The following GRID2 variants were observed in gnomAD, a reference collection of about 807,000 sequenced individuals.
GRID2 encodes the protein glutamate ionotropic receptor delta type subunit 2.
A neutral mutation model predicts 114.8 loss-of-function variants in GRID2; 33 were observed. The observed-to-expected ratio is 0.29, with a 90% CI of 0.22 to 0.38. The LOEUF (loss-of-function observed/expected upper bound fraction) is 0.38, where lower values mean the gene tolerates loss of function less well. GRID2 is among the 10% of genes least tolerant of loss of function. The probability of loss-of-function intolerance (pLI) is 1.00; values close to 1 mark genes in which losing one functional copy is unlikely to be tolerated. For synonymous variants in GRID2, 505 were observed against 449.9 expected (o/e 1.12, Z -1.55); for missense variants, 1,184 against 1,257.7 (o/e 0.94, Z 0.89).
At chr4:93,489,158 A>G (rs1278276032) in intron 11 of GRID2, among the ~76,000 whole-genome samples, 2 of 151,986 alleles carry the variant, frequency 1.3e-5, no homozygotes, top group African/African-American at 2.4e-5. Flanking sequence ...AATTGGCAGT[A>G]TAGGGTTGTG....
At chr4:93,470,131 A>G (rs1379737715) in intron 11 of GRID2, among the ~76,000 whole-genome samples, 1 of 152,104 alleles carries the variant, frequency 6.6e-6, no homozygotes, top group African/African-American at 2.4e-5. Flanking sequence ...GGATAAGCAT[A>G]TAAAAGCCTA....
At chr4:93,180,140 A>G (rs926361215) in intron 4 of GRID2, among the ~76,000 whole-genome samples, 1 of 152,046 alleles carries the variant, frequency 6.6e-6, no homozygotes, top group Non-Finnish European at 1.5e-5. Context: ...ACAGTGTCAC[A>G]TGCAACCCGT....
At chr4:93,745,922 T>A (rs1731803276) in intron 14 of GRID2, among the ~76,000 whole-genome samples, 1 of 152,148 alleles carries the variant, frequency 6.6e-6, no homozygotes, top group Admixed American at 6.5e-5. Flanking sequence ...AATGATTATG[T>A]GTGAATTTCC....
intron 2 of GRID2, among the ~76,000 whole-genome samples, chr4:92,920,280 A>T (rs907149441): frequency 1.3e-5 from 2 of 152,096 alleles, no homozygotes; most frequent in African/African-American, 2.4e-5. Flanking sequence ...CAGCACACTG[A>T]TGGGTCTTGA....
intron 13 of GRID2, among the ~76,000 whole-genome samples, chr4:93,598,805 C>A (rs1489886056): frequency 2.0e-5 from 3 of 152,114 alleles, no homozygotes; most frequent in East Asian, 1.9e-4. Flanking sequence ...TTTATTCAGA[C>A]AAAATAATGC....
intron 2 of GRID2, among the ~76,000 whole-genome samples, chr4:92,617,771 T>A (rs1050929229): frequency 6.6e-6 from 1 of 151,742 alleles, no homozygotes; most frequent in African/African-American, 2.4e-5. Flanking sequence ...ATAGTGAGCA[T>A]TTTTTTGTAT....
chr4:92,764,044 C>T (rs1310504759), intron 2 of GRID2, among the ~76,000 whole-genome samples: 1 of 152,190 alleles, frequency 6.6e-6, no homozygotes, highest in African/African-American at 2.4e-5. Context: ...AACCAGCCTA[C>T]TTCCATCTGG....
At chr4:93,120,709 T>A (rs1008645942) in intron 4 of GRID2, among the ~76,000 whole-genome samples, 35 of 152,040 alleles carry the variant, frequency 2.3e-4, no homozygotes, top group African/African-American at 5.1e-4. Flanking sequence ...ATCCCAGCAC[T>A]TTGGGAGGCT....
chr4:93,516,340 T>A (rs1417183095), intron 13 of GRID2, among the ~76,000 whole-genome samples: 1 of 152,132 alleles, frequency 6.6e-6, no homozygotes, highest in African/African-American at 2.4e-5. Flanking sequence ...TATTCTCTGC[T>A]TTTTCATCTG....
intron 1 of GRID2, among the ~76,000 whole-genome samples, chr4:92,441,529 T>G (rs1733078522): frequency 6.6e-6 from 1 of 152,078 alleles, no homozygotes. Flanking sequence ...ACGGGGTGGA[T>G]AGGCAAAACA....
At chr4:93,486,295 A>G (rs1405030828) in intron 11 of GRID2, among the ~76,000 whole-genome samples, 1 of 151,556 alleles carries the variant, frequency 6.6e-6, no homozygotes. Flanking sequence ...ATCATCACTA[A>G]TCCGTAACTT....
chr4:92,912,970 G>C (rs1170941254), intron 2 of GRID2, among the ~76,000 whole-genome samples: 6 of 151,732 alleles, frequency 4.0e-5, no homozygotes, highest in Admixed American at 3.9e-4. Context: ...TAAAAGTATA[G>C]AAGATTTGTT....
Position 93,156,894 on chromosome 4 carries a change from T to C in GRID2, c.735+45941T>C, listed in dbSNP as rs535830742. 1.1e-4 allele frequency among the ~76,000 whole-genome samples: 17 copies of C among 151,778 alleles called. No homozygotes were observed. The East Asian group carries it at 3.3e-3, about 30-fold the overall frequency. ...GTATGAAGTGAAAAGTCAGTCACTCTTGTTTGTTGAATAAAAGGAAATCAA... is the reference window on the plus strand; with the variant it reads ...GTATGAAGTGAAAAGTCAGTCACTCCTGTTTGTTGAATAAAAGGAAATCAA... On this transcript the variant is annotated intron_variant, in intron 4 of 15. Transcript: ENST00000282020.
At chr4:92,640,328 T>A (rs1299846286) in intron 2 of GRID2, among the ~76,000 whole-genome samples, 1 of 151,890 alleles carries the variant, frequency 6.6e-6, no homozygotes, top group Non-Finnish European at 1.5e-5. Context: ...GACATTTACT[T>A]CAAACATAAA....
chr4:92,386,576 T>C (rs1729970813), intron 1 of GRID2, among the ~76,000 whole-genome samples: 1 of 151,742 alleles, frequency 6.6e-6, no homozygotes, highest in Non-Finnish European at 1.5e-5. Context: ...AATAAAGTTG[T>C]AACATCAAAA....
chr4:92,753,119 A>AT (rs1442108337), intron 2 of GRID2, among the ~76,000 whole-genome samples: 2 of 152,184 alleles, frequency 1.3e-5, no homozygotes, highest in Non-Finnish European at 2.9e-5. Flanking sequence ...TAATACACAC[A>AT]TTTTTAGACA....
At chr4:92,614,197 C>T (rs1054684761) in intron 2 of GRID2, among the ~76,000 whole-genome samples, 21 of 151,664 alleles carry the variant, frequency 1.4e-4, no homozygotes, top group African/African-American at 4.8e-4. Context: ...CCTCTCTACA[C>T]GTTCCAGCTG....
At chr4:93,486,102 A>G (rs1315672084) in intron 11 of GRID2, among the ~76,000 whole-genome samples, 1 of 151,634 alleles carries the variant, frequency 6.6e-6, no homozygotes, top group African/African-American at 2.4e-5. Flanking sequence ...GTTCCTAGTT[A>G]TTTGATCATT....
chr4:93,375,239 A>C (rs1763270472), intron 8 of GRID2, among the ~76,000 whole-genome samples: 1 of 141,974 alleles, frequency 7.0e-6, no homozygotes, highest in Admixed American at 7.0e-5. Flanking sequence ...TTTGAGACAG[A>C]ATCTCACTCT....
Sources: allele counts gnomAD v4.1 joint callset (sites outside exome capture counted in the v4.1 genomes callset), GRCh38; gene constraint gnomAD v4.1.1; transcripts MANE v1.5; gene names NCBI Gene and HGNC (gene_info 2026-07-23, HGNC 2026-07-21).